The following GNAL variants were observed in gnomAD, a reference collection of about 807,000 sequenced individuals.
GNAL encodes the protein guanine nucleotide-binding protein G(olf) subunit alpha.
In GNAL, 18 loss-of-function variants were observed where a neutral mutation model predicts 55.1. The observed-to-expected ratio is 0.33, with a 90% CI of 0.23 to 0.48. The LOEUF is 0.48. GNAL is among the 20% of genes least tolerant of loss of function. GNAL has a pLI of 0.99. For synonymous variants in GNAL, 253 were observed against 237.0 expected, an observed-to-expected ratio of 1.07 and a Z score of -0.62; for missense variants, 412 against 614.1, an observed-to-expected ratio of 0.67 and a Z score of 3.48.
At chr18:11,691,828 G>A (rs914830261) in intron 1 of GNAL, among the ~76,000 whole-genome samples, 1 of 152,202 alleles carries the variant, frequency 6.6e-6, no homozygotes, top group Non-Finnish European at 1.5e-5. Flanking sequence ...CCAGCTGCAC[G>A]AAAGGGTGGC....
chr18:11,789,581 C>G (rs149827385), intron 4 of GNAL, among the ~76,000 whole-genome samples: 29 of 152,282 alleles, frequency 1.9e-4, no homozygotes, highest in African/African-American at 5.8e-4. Flanking sequence ...CCCACGGATC[C>G]AACAATCCAG....
chr18:11,756,554 T>C (rs1268453082), intron 4 of GNAL, among the ~76,000 whole-genome samples: 3 of 151,590 alleles, frequency 2.0e-5, no homozygotes, highest in African/African-American at 7.2e-5. Context: ...ATTTTTAACA[T>C]AGCCCCGACT....
chr18:11,751,401 T>C lies in GNAL; in HGVS notation c.377-1452T>C. On this transcript the variant is annotated intron_variant, in intron 1 of 11. Transcript: ENST00000334049. The surrounding 1 kb of genome is among the most constrained non-coding windows in gnomAD (Gnocchi z 4.5). Reference sequence around the variant, plus strand: ...GAGTTGTTGTGCTGCTTGGGAGCACTGCACAGGAGAAACGGGGGCTGGAGG... The same window carrying C: ...GAGTTGTTGTGCTGCTTGGGAGCACCGCACAGGAGAAACGGGGGCTGGAGG... The C allele has an allele frequency of 1.8e-6, 1 of 543,950 alleles. No homozygotes were observed. The highest frequency in any genetic ancestry group is 2.3e-6 in the Non-Finnish European group (1 of 426,476). 33.7% of individuals were successfully genotyped at this position (543,950 alleles called of 1,614,324 possible). A position where few individuals can be genotyped will look rare whatever the true frequency, so the allele number is the denominator to read the frequency against.
At position 11,752,381 on chromosome 18, in the gene GNAL, ATTGC is replaced by A; in HGVS notation, c.377-469_377-466del. 2 of 1,569,340 alleles carry A rather than the reference ATTGC, an allele frequency of 1.3e-6. No homozygotes were observed. The highest frequency in any genetic ancestry group is 2.3e-5 in the South Asian group (2 of 86,272). On this transcript the variant is annotated intron_variant, in intron 1 of 11. Coordinates refer to ENST00000334049, the MANE Select transcript of GNAL (RefSeq NM_182978.4). The surrounding 1 kb of genome is among the most constrained non-coding windows in gnomAD (Gnocchi z 4.5). ...GAGCCGCACACGTCTCCAACTCTCT[ATTGC>A]TTTTTGCGCACATTCCTAACTTCCT...
intron 5 of GNAL, chr18:11,857,419 G>C: frequency 1.1e-6 from 1 of 885,474 alleles, no homozygotes; most frequent in South Asian, 5.2e-5. Flanking sequence ...TTTGACTGGA[G>C]TGGAGGGTTC....
At chr18:11,725,889 A>C (rs2032200885) in intron 1 of GNAL, among the ~76,000 whole-genome samples, 1 of 152,228 alleles carries the variant, frequency 6.6e-6, no homozygotes, top group Non-Finnish European at 1.5e-5. Flanking sequence ...TTGCATTCCC[A>C]CCAGCAATGA....
rs531422923 is a variant in GNAL, at chr18:11,837,422, A to G, written c.722+12407A>G. On this transcript the variant is annotated intron_variant, in intron 5 of 11. Coordinates refer to ENST00000334049, the MANE Select transcript of GNAL (RefSeq NM_182978.4). The stretch of plus-strand genomic sequence containing the variant: ...TCATAAAGAACTCTTACAAATCAAT[A>G]ATAACATAAGTAAACCGATTTTTAA... 3.9e-4 allele frequency among the ~76,000 whole-genome samples: 60 copies of G among 152,380 alleles called. No individual in the cohort carries two copies. The Middle Eastern group carries it at 0.024, about 60-fold the overall frequency.
intron 4 of GNAL, among the ~76,000 whole-genome samples, chr18:11,812,595 G>A (rs2034844468): frequency 6.6e-6 from 1 of 152,228 alleles, no homozygotes; most frequent in African/African-American, 2.4e-5. Context: ...TGTAATCCCA[G>A]CACTTTGGGA....
intron 1 of GNAL, among the ~76,000 whole-genome samples, chr18:11,709,751 A>G (rs2031795089): frequency 6.6e-6 from 1 of 152,184 alleles, no homozygotes; most frequent in Non-Finnish European, 1.5e-5. Flanking sequence ...CTGCAAGCAG[A>G]TAATTTTACT....
chr18:11,771,295 T>G (rs576737698), intron 4 of GNAL, among the ~76,000 whole-genome samples: 1 of 152,246 alleles, frequency 6.6e-6, no homozygotes, highest in Non-Finnish European at 1.5e-5. Context: ...GTGAGTAGTG[T>G]GTTATATCAT....
At position 11,698,490 on chromosome 18, in the gene GNAL, C is replaced by CAAAA. The variant is rs201762409; in HGVS notation, c.376+8566_376+8569dup. Among the ~76,000 whole-genome samples, 270 of 88,354 alleles carry CAAAA rather than the reference C, an allele frequency of 3.1e-3. 4 individuals carry two copies. Among genetic ancestry groups the CAAAA allele is most frequent in the African/African-American group, 8.7e-3 (215 of 24,732 alleles). The allele number at this position is 88,354 out of a possible 152,430, so 58.0% of individuals were successfully genotyped here. A position where few individuals can be genotyped will look rare whatever the true frequency, so the allele number is the denominator to read the frequency against. On this transcript the variant is annotated intron_variant, in intron 1 of 11. Coordinates refer to ENST00000334049, the MANE Select transcript of GNAL (RefSeq NM_182978.4). The stretch of plus-strand genomic sequence containing the variant: ...TGGGAGACAGAACAAGACTCTGTCT[C>CAAAA]AAAAAAAAAAAAAAAAAATAGAGGG...
intron 5 of GNAL, among the ~76,000 whole-genome samples, chr18:11,837,662 G>A (rs1568050279): frequency 6.6e-6 from 1 of 152,166 alleles, no homozygotes; most frequent in Non-Finnish European, 1.5e-5. Context: ...ATATACTGCT[G>A]GTGGGAATGT....
intron 5 of GNAL, among the ~76,000 whole-genome samples, chr18:11,828,348 G>A (rs1355695886): frequency 7.1e-6 from 1 of 140,494 alleles, no homozygotes; most frequent in Non-Finnish European, 1.5e-5. Flanking sequence ...AGGCTGCCGT[G>A]AGCTATCATT....
chr18:11,763,849 G>A (rs867848383), intron 4 of GNAL, among the ~76,000 whole-genome samples: 4 of 152,146 alleles, frequency 2.6e-5, no homozygotes, highest in Non-Finnish European at 5.9e-5. Flanking sequence ...CAGTTGCTCA[G>A]CCGACCTTTT....
At chr18:11,768,721 C>T (rs551569719) in intron 4 of GNAL, among the ~76,000 whole-genome samples, 2 of 149,930 alleles carry the variant, frequency 1.3e-5, no homozygotes, top group Non-Finnish European at 3.0e-5. Flanking sequence ...GGTGAAACCC[C>T]GTCTCTACTA....
At chr18:11,690,020 T>TGCGGCGGCGGGCACCGGGGAGCGGC (rs2031190116) in intron 1 of GNAL, 81 bp downstream of exon 1, 1 of 877,230 alleles carries the variant, frequency 1.1e-6, no homozygotes. Flanking sequence ...CGGGGAGCGG[T>TGCGGCGGCGGGCACCGGGGAGCGGC]GGCGGGCACC....
intron 4 of GNAL, among the ~76,000 whole-genome samples, chr18:11,807,462 C>G (rs1228204893): frequency 6.6e-6 from 1 of 152,180 alleles, no homozygotes; most frequent in Non-Finnish European, 1.5e-5. Context: ...AAGGTACAGC[C>G]AAGAGTATTT....
intron 4 of GNAL, among the ~76,000 whole-genome samples, chr18:11,796,587 AAAAAAAAAC>A (rs1422700229): frequency 1.8e-4 from 27 of 149,408 alleles, no homozygotes; most frequent in Non-Finnish European, 3.6e-4. Context: ...AAAAAAAAAA[AAAAAAAAAC>A]AAAACACGCA....
chr18:11,728,573 G>A (rs936943008), intron 1 of GNAL, among the ~76,000 whole-genome samples: 1 of 152,120 alleles, frequency 6.6e-6, no homozygotes, highest in African/African-American at 2.4e-5. Context: ...GCTTAGAATT[G>A]TTTCTAACAG....
Sources: allele counts gnomAD v4.1 joint callset (sites outside exome capture counted in the v4.1 genomes callset), GRCh38; gene constraint gnomAD v4.1.1; non-coding constraint Gnocchi (gnomAD v3.1); transcripts MANE v1.5; gene names NCBI Gene and HGNC (gene_info 2026-07-23, HGNC 2026-07-21).